Variants in PLCB1 observed in about 807,000 individuals in gnomAD.
PLCB1 encodes 1-phosphatidylinositol 4,5-bisphosphate phosphodiesterase beta-1.
PLCB1 carries 46 observed loss-of-function variants against 161.8 expected under a neutral mutation model. The ratio of observed to expected loss-of-function variants is 0.28; its 90% CI spans 0.22 to 0.36. PLCB1 has a LOEUF of 0.36. PLCB1 is among the 10% of genes least tolerant of loss of function. The pLI, the probability that PLCB1 is intolerant of heterozygous loss-of-function variation, is 1.00. For synonymous variants in PLCB1, 517 were observed against 503.7 expected (o/e 1.03, Z -0.35); for missense variants, 1,016 against 1,472.5 (o/e 0.69, Z 5.07).
chr20:8,369,410 A>C (rs1986828966), intron 2 of PLCB1, among the ~76,000 whole-genome samples: 1 of 152,190 alleles, frequency 6.6e-6, no homozygotes, highest in Admixed American at 6.5e-5. Flanking sequence ...CTCTTCCAGC[A>C]AATATTTTGG....
chr20:8,793,345 G>T (rs1332912550), intron 31 of PLCB1, among the ~76,000 whole-genome samples: 1 of 152,144 alleles, frequency 6.6e-6, no homozygotes, highest in Non-Finnish European at 1.5e-5. Flanking sequence ...TTTGCCACAG[G>T]TTACTGAGGA....
At chr20:8,143,244 ACTT>A (rs1325809087) in intron 1 of PLCB1, among the ~76,000 whole-genome samples, 6 of 151,622 alleles carry the variant, frequency 4.0e-5, no homozygotes, top group African/African-American at 9.7e-5. Flanking sequence ...CCTCCTACCT[ACTT>A]CTTCTCAGCC....
chr20:8,379,622 TC>T (rs1029887993), intron 3 of PLCB1, among the ~76,000 whole-genome samples: 1 of 152,200 alleles, frequency 6.6e-6, no homozygotes, highest in Non-Finnish European at 1.5e-5. Flanking sequence ...TATTGTTTCT[TC>T]ACTTTTTAAT....
intron 3 of PLCB1, among the ~76,000 whole-genome samples, chr20:8,513,274 G>T (rs1284080952): frequency 6.6e-6 from 1 of 152,126 alleles, no homozygotes; most frequent in Non-Finnish European, 1.5e-5. Context: ...GGATATAGAT[G>T]TGAAGAAATT....
At chr20:8,191,118 A>G (rs963886699) in intron 2 of PLCB1, among the ~76,000 whole-genome samples, 2 of 151,958 alleles carry the variant, frequency 1.3e-5, no homozygotes, top group African/African-American at 4.8e-5. Flanking sequence ...TACTTTTGAC[A>G]TAATTTCTTA....
chr20:8,327,893 G>GTT (rs1186835575), intron 2 of PLCB1, among the ~76,000 whole-genome samples: 2 of 149,556 alleles, frequency 1.3e-5, no homozygotes, highest in Non-Finnish European at 2.9e-5. Context: ...CATATGTATA[G>GTT]TTATATATAT....
intron 2 of PLCB1, among the ~76,000 whole-genome samples, chr20:8,312,149 TC>T (rs1405767079): frequency 5.3e-5 from 8 of 152,132 alleles, no homozygotes; most frequent in African/African-American, 1.9e-4. Flanking sequence ...CTGCCTTCAC[TC>T]TCAGAGAGTT....
chr20:8,698,728 G>T (rs929360851), intron 11 of PLCB1, among the ~76,000 whole-genome samples: 1 of 152,118 alleles, frequency 6.6e-6, no homozygotes, highest in Admixed American at 6.5e-5. Context: ...AAAGGAGAAG[G>T]GTTTTGCAGT....
chr20:8,522,973 G>A (rs1051841932), intron 3 of PLCB1, among the ~76,000 whole-genome samples: 8 of 152,258 alleles, frequency 5.3e-5, no homozygotes, highest in Non-Finnish European at 5.9e-5. Context: ...TAGTCAAACT[G>A]GGTGTAATGT....
chr20:8,800,280 C>T (rs982979901), intron 31 of PLCB1, among the ~76,000 whole-genome samples: 1 of 152,200 alleles, frequency 6.6e-6, no homozygotes, highest in Non-Finnish European at 1.5e-5. Context: ...ATTCATGCAG[C>T]AAATTCACCA....
chr20:8,813,577 C>G (rs1984937461), intron 31 of PLCB1, among the ~76,000 whole-genome samples: 1 of 152,094 alleles, frequency 6.6e-6, no homozygotes, highest in Non-Finnish European at 1.5e-5. Flanking sequence ...CACCTATAAT[C>G]CCAGCACTTT....
intron 2 of PLCB1, among the ~76,000 whole-genome samples, chr20:8,274,635 C>A (rs887330636): frequency 2.0e-5 from 3 of 152,050 alleles, no homozygotes; most frequent in Non-Finnish European, 4.4e-5. Flanking sequence ...CATCTTGCTT[C>A]TTCTCTAAAT....
chr20:8,709,773 G>A (rs1256280483), intron 12 of PLCB1, among the ~76,000 whole-genome samples: 3 of 152,052 alleles, frequency 2.0e-5, no homozygotes, highest in South Asian at 2.1e-4. Flanking sequence ...TATATTTACC[G>A]GCTTGTGGTT....
chr20:8,675,908 T>A (rs1482581892), intron 9 of PLCB1, among the ~76,000 whole-genome samples: 2 of 152,208 alleles, frequency 1.3e-5, no homozygotes, highest in Admixed American at 6.5e-5. Context: ...AAATTGATGA[T>A]GTTTGTTTCC....
chr20:8,681,087 T>TGTGTGTGTATATATATATATAC (rs1555782778), intron 9 of PLCB1, among the ~76,000 whole-genome samples: 2 of 13,106 alleles, frequency 1.5e-4, no homozygotes, highest in African/African-American at 1.2e-3. Context: ...TGTGTGTGTG[T>TGTGTGTGTATATATATATATAC]ATATATATAT....
chr20:8,791,221 A>T (rs1983742485), intron 31 of PLCB1, among the ~76,000 whole-genome samples: 2 of 152,092 alleles, frequency 1.3e-5, no homozygotes, highest in Non-Finnish European at 2.9e-5. Flanking sequence ...GGCAATATAG[A>T]TTCTCAAGCA....
chr20:8,211,634 TA>T (rs1978829489), intron 2 of PLCB1, among the ~76,000 whole-genome samples: 1 of 152,088 alleles, frequency 6.6e-6, no homozygotes, highest in Non-Finnish European at 1.5e-5. Flanking sequence ...GATGATGAAG[TA>T]AGATAGGAAC....
At chr20:8,701,387 G>C (rs1174566483) in intron 11 of PLCB1, among the ~76,000 whole-genome samples, 1 of 152,094 alleles carries the variant, frequency 6.6e-6, no homozygotes, top group Non-Finnish European at 1.5e-5. Flanking sequence ...ATAGGTATCT[G>C]CCTGGTTCTT....
chr20:8,631,412 T>C (rs999487253), intron 4 of PLCB1, among the ~76,000 whole-genome samples: 3 of 152,244 alleles, frequency 2.0e-5, no homozygotes, highest in Admixed American at 6.5e-5. Flanking sequence ...ACATTAACTA[T>C]GGTCTGAGTA....
Sources: gnomAD v4.1 joint callset for allele counts (sites outside exome capture counted in the v4.1 genomes callset) on GRCh38, gnomAD v4.1.1 for gene constraint, MANE v1.5 for transcripts, NCBI Gene and HGNC (gene_info 2026-07-23, HGNC 2026-07-21) for gene names.